The following MAML1 variants were observed in gnomAD, a reference collection of about 807,000 sequenced individuals.
MAML1 encodes the protein mastermind-like protein 1.
Under a neutral mutation model 77.1 loss-of-function variants are expected in MAML1, and 14 were observed. The observed-to-expected ratio is 0.18, with a 90% confidence interval of 0.12 to 0.28. The LOEUF is 0.28. MAML1 is among the 10% of genes least tolerant of loss of function. MAML1 has a pLI of 1.00. For synonymous variants in MAML1, 516 were observed against 551.9 expected, an observed-to-expected ratio of 0.93 and a Z score of 0.91; for missense variants, 1,217 against 1,327.8, an observed-to-expected ratio of 0.92 and a Z score of 1.30.
intron 1 of MAML1, among the ~76,000 whole-genome samples, chr5:179,749,005 G>A (rs900085847): frequency 7.3e-5 from 11 of 150,282 alleles, no homozygotes; most frequent in African/African-American, 2.2e-4. Context: ...TCACTCTGTC[G>A]CCCGGGCTGG....
intron 2 of MAML1, 139 bp from the exon 3 acceptor site, chr5:179,768,711 C>A: frequency 9.0e-7 from 1 of 1,111,112 alleles, no homozygotes; most frequent in Non-Finnish European, 1.3e-6. Flanking sequence ...TGCTCCAGCC[C>A]TGTGGGATGG....
chr5:179,770,434 A>G (rs1021263960), intron 3 of MAML1, among the ~76,000 whole-genome samples: 2 of 152,130 alleles, frequency 1.3e-5, no homozygotes, highest in Non-Finnish European at 2.9e-5. Context: ...GCGACAGAGC[A>G]AGACTCCATC....
intron 4 of MAML1, 39 bp from the exon 5 acceptor site, chr5:179,773,856 G>A: frequency 1.9e-6 from 3 of 1,575,526 alleles, no homozygotes; most frequent in Non-Finnish European, 2.6e-6. Context: ...ACCCAGTGGT[G>A]GTCGACTCCT....
At position 179,733,035 on chromosome 5, in the gene MAML1, C is replaced by T. The variant is rs1779094737; in HGVS notation, c.-78C>T. 3 of 923,904 alleles carry T rather than the reference C, an allele frequency of 3.2e-6. No individual in the cohort carries two copies. Among genetic ancestry groups the T allele is most frequent in the East Asian group, 3.8e-5 (1 of 26,106 alleles). 57.2% of individuals were successfully genotyped at this position (923,904 alleles called of 1,614,324 possible). ...GCGGCCGTGAGGCGGAGAGGGGTAG[C>T]CGCGGGGAGCGAAGCCCGCAGTGCC... is the stretch of plus-strand genomic sequence containing the variant. On this transcript the variant is annotated 5_prime_UTR_variant, in exon 1 of 5. Transcript: ENST00000292599.
Position 179,776,219 on chromosome 5 carries a change from A to G in MAML1, c.*1342A>G. ...GTGGAGAGAAAAGAGAATGCTGAAA[A>G]GTGGCTCAGATGCAGAGTGTTCTGT... On this transcript the variant is annotated 3_prime_UTR_variant, in exon 5 of 5. Coordinates refer to ENST00000292599, the MANE Select transcript of MAML1 (RefSeq NM_014757.5). 1 of 985,940 alleles carries G rather than the reference A, an allele frequency of 1.0e-6. No individual in the cohort carries two copies. The highest frequency in any genetic ancestry group is 1.2e-6 in the Non-Finnish European group (1 of 829,976). 61.1% of individuals were successfully genotyped at this position (985,940 alleles called of 1,614,324 possible). A position where few individuals can be genotyped will look rare whatever the true frequency, so the allele number is the denominator to read the frequency against.
rs183969768 is a variant in MAML1, at chr5:179,756,192, G to A, written c.316-9134G>A. On this transcript the variant is annotated intron_variant, in intron 1 of 4. Coordinates refer to ENST00000292599, the MANE Select transcript of MAML1 (RefSeq NM_014757.5). ...TGTAATCCCAGCACTTTTGGAGGCC[G>A]AGGCAGGTGGATCACGAGGTCAGGA... is the stretch of plus-strand genomic sequence containing the variant. Among the ~76,000 whole-genome samples the A allele has an allele frequency of 2.2e-3, 329 of 151,512 alleles. 1 individual carries two copies. The highest frequency in any genetic ancestry group is 7.6e-3 in the African/African-American group (315 of 41,368).
At chr5:179,739,912 C>T (rs1036016281) in intron 1 of MAML1, among the ~76,000 whole-genome samples, 1 of 152,108 alleles carries the variant, frequency 6.6e-6, no homozygotes, top group Non-Finnish European at 1.5e-5. Flanking sequence ...AAGGGAACTG[C>T]TGTGTACAGT....
intron 1 of MAML1, 106 bp from the exon 2 acceptor site, chr5:179,765,207 TACACTATGCAAGC>T: frequency 1.2e-6 from 1 of 807,540 alleles, no homozygotes; most frequent in Non-Finnish European, 2.0e-6. Context: ...AATGGGAGTG[TACACTATGCAAGC>T]AGAACCCACT....
intron 2 of MAML1, among the ~76,000 whole-genome samples, chr5:179,768,492 C>T (rs535807106): frequency 1.3e-5 from 2 of 152,326 alleles, no homozygotes; most frequent in East Asian, 1.9e-4. Context: ...CCTATTGGCC[C>T]GCTCTGCACT....
At chr5:179,739,283 T>A (rs1311157138) in intron 1 of MAML1, among the ~76,000 whole-genome samples, 1 of 152,096 alleles carries the variant, frequency 6.6e-6, no homozygotes, top group Non-Finnish European at 1.5e-5. Flanking sequence ...TTTGGGAAGC[T>A]GTGGTGGGAG....
rs750620887 is a variant in MAML1 at position 179,771,178 on chromosome 5, G to T, written c.2003G>T (p.Arg668Leu). 1.2e-6 allele frequency: 2 copies of T among 1,613,824 alleles called. No homozygotes were observed. The highest frequency in any genetic ancestry group is 2.2e-5 in the East Asian group (1 of 44,890). Reference protein sequence around the residue: ...EKQQFQRHLTRPPPQYQDPTQ... With the variant: ...EKQQFQRHLTLPPPQYQDPTQ... ...CAACAGTTTCAGCGCCATCTGACCC[G>T]CCCACCACCCCAGTACCAAGACCCG... Residue 668 changes from arginine to leucine, a missense_variant, in exon 4 of 5, where the codon CGC (arginine) becomes CTC (leucine). This residue lies in a region of MAML1 where 884 missense variants were observed against 949.3 expected (regional missense o/e 0.93). Coordinates refer to ENST00000292599, the MANE Select transcript of MAML1 (RefSeq NM_014757.5). This position sits in a 1 kb window ranked among gnomAD's most constrained non-coding sequence, Gnocchi z 4.7.
At chr5:179,764,624 C>G (rs1029391789) in intron 1 of MAML1, among the ~76,000 whole-genome samples, 13 of 150,942 alleles carry the variant, frequency 8.6e-5, no homozygotes, top group African/African-American at 2.9e-4. Context: ...CACGCCATTG[C>G]ACTCCAGCCT....
chr5:179,750,622 G>A (rs138471491), intron 1 of MAML1, among the ~76,000 whole-genome samples: 299 of 152,078 alleles, frequency 2.0e-3, no homozygotes, highest in Admixed American at 3.5e-3. Flanking sequence ...CACCATGTCC[G>A]GCTAATTATT....
In MAML1 at chr5:179,733,096, CGTGCAGCCCGCGGCCCATG is replaced by C. The variant is rs1274897489; in HGVS notation, c.-12_7del. On this transcript the variant is annotated start_lost and 5_prime_UTR_variant, in exon 1 of 5. Coordinates refer to ENST00000292599, the MANE Select transcript of MAML1 (RefSeq NM_014757.5). ...GAGAGGCCCGGCCCCGGGCCCGGCC[CGTGCAGCCCGCGGCCCATG>C]GTGCTGCCCACCTGCCCCATGGCGG... 3 of 1,352,584 alleles carry C rather than the reference CGTGCAGCCCGCGGCCCATG, an allele frequency of 2.2e-6. No individual in the cohort carries two copies. The East Asian group carries it at 9.9e-5, about 45-fold the overall frequency. 83.8% of individuals were successfully genotyped at this position (1,352,584 alleles called of 1,614,324 possible).
intron 1 of MAML1, among the ~76,000 whole-genome samples, chr5:179,750,573 G>C (rs1779468650): frequency 1.3e-5 from 2 of 152,124 alleles, no homozygotes; most frequent in Middle Eastern, 3.4e-3. Flanking sequence ...CTATTCTCCT[G>C]CTTCAGTGTC....
At chr5:179,738,351 T>G (rs1451748385) in intron 1 of MAML1, among the ~76,000 whole-genome samples, 3 of 152,216 alleles carry the variant, frequency 2.0e-5, no homozygotes, top group Non-Finnish European at 4.4e-5. Context: ...CAAACTCTTG[T>G]AAGAATTATG....
At chr5:179,752,325 CAAAAAAAA>C (rs1177449054) in intron 1 of MAML1, among the ~76,000 whole-genome samples, 15 of 53,644 alleles carry the variant, frequency 2.8e-4, no homozygotes, top group South Asian at 2.0e-3. Context: ...ACTCTGTCTC[CAAAAAAAA>C]AAAAAAAAAA....
intron 2 of MAML1, among the ~76,000 whole-genome samples, chr5:179,767,811 A>C (rs558890977): frequency 6.6e-6 from 1 of 152,256 alleles, no homozygotes; most frequent in East Asian, 1.9e-4. Context: ...CTTAGAATGA[A>C]TAACTAGAAA....
chr5:179,765,658 G>A lies in MAML1; in HGVS notation c.648G>A (p.Leu216=), dbSNP rs769996954. 6.2e-7 allele frequency: 1 copy of A among 1,614,216 alleles called. No homozygotes were observed. Among genetic ancestry groups the A allele is most frequent in the African/African-American group, 1.3e-5 (1 of 75,054 alleles). Residue 216 remains leucine, a synonymous_variant, in exon 2 of 5, where the codon CTG becomes CTA. Transcript: ENST00000292599. ...ESFPLSLNKE[L]KQEPVEDLPC... The stretch of plus-strand genomic sequence containing the variant: ...TTCCTCTGAGCCTGAATAAAGAACT[G>A]AAGCAGGAGCCTGTCGAAGACCTGC...
Sources: allele counts gnomAD v4.1 joint callset (sites outside exome capture counted in the v4.1 genomes callset), GRCh38; gene constraint gnomAD v4.1.1; regional missense constraint gnomAD v4.1.1; non-coding constraint Gnocchi (gnomAD v3.1); transcripts MANE v1.5; gene names NCBI Gene and HGNC (gene_info 2026-07-23, HGNC 2026-07-21).